OSBPL1A: variants seen among roughly 807,000 people sequenced by gnomAD.
The protein encoded by OSBPL1A is oxysterol binding protein like 1A, also known as oxysterol-binding protein-related protein 1.
A neutral mutation model predicts 137.1 loss-of-function variants in OSBPL1A; 80 were observed. The ratio of observed to expected loss-of-function variants is 0.58; its 90% CI spans 0.49 to 0.70. The LOEUF (loss-of-function observed/expected upper bound fraction) is 0.70, where lower values mean the gene tolerates loss of function less well. Ranked by LOEUF, OSBPL1A falls within the 30% of genes least tolerant of loss-of-function variation. The pLI, the probability that OSBPL1A is intolerant of heterozygous loss-of-function variation, is 0.00. For missense variants in OSBPL1A, 970 were observed against 1,129.4 expected (o/e 0.86, Z 2.02); for synonymous variants, 365 against 389.7 (o/e 0.94, Z 0.75).
At chr18:24,392,255 G>C (rs148156386) in intron 1 of OSBPL1A, among the ~76,000 whole-genome samples, 2,984 of 152,246 alleles carry the variant, frequency 0.02, 108 homozygotes, top group African/African-American at 0.068. Context: ...CCGCCTCCCG[G>C]GTTCAAGTGA....
intron 12 of OSBPL1A, among the ~76,000 whole-genome samples, chr18:24,313,550 T>G (rs1057213555): frequency 1.3e-5 from 2 of 152,178 alleles, no homozygotes; most frequent in African/African-American, 4.8e-5. Flanking sequence ...GTCTCCATTG[T>G]AATGAGTGTC....
At chr18:24,314,396 G>C in intron 11 of OSBPL1A, 49 bp from the exon 12 acceptor site, 1 of 1,292,112 alleles carries the variant, frequency 7.7e-7, no homozygotes, top group Non-Finnish European at 1.1e-6. Flanking sequence ...CATAAAAGAG[G>C]ACCCTAAAAT....
At chr18:24,208,617 T>G (rs1308177950) in intron 17 of OSBPL1A, among the ~76,000 whole-genome samples, 1 of 152,236 alleles carries the variant, frequency 6.6e-6, no homozygotes, top group East Asian at 1.9e-4. Flanking sequence ...TGTGGCAGAT[T>G]TACTTACTTA....
At chr18:24,260,537 A>G (rs1215781367) in intron 15 of OSBPL1A, among the ~76,000 whole-genome samples, 2 of 152,200 alleles carry the variant, frequency 1.3e-5, no homozygotes, top group African/African-American at 4.8e-5. Flanking sequence ...TAAGGGAGAA[A>G]GCCAGACACA....
chr18:24,233,471 G>C (rs2088343223), intron 16 of OSBPL1A, among the ~76,000 whole-genome samples: 1 of 152,072 alleles, frequency 6.6e-6, no homozygotes, highest in African/African-American at 2.4e-5. Flanking sequence ...GATTATCTTA[G>C]GCTCATTATT....
At chr18:24,242,978 C>T (rs2088755677) in intron 15 of OSBPL1A, among the ~76,000 whole-genome samples, 1 of 152,134 alleles carries the variant, frequency 6.6e-6, no homozygotes, top group African/African-American at 2.4e-5. Context: ...CACTTCATTT[C>T]TCTATTATAT....
At chr18:24,242,323 T>C (rs775546691) in intron 15 of OSBPL1A, among the ~76,000 whole-genome samples, 1 of 126,550 alleles carries the variant, frequency 7.9e-6, no homozygotes, top group Admixed American at 7.9e-5. Context: ...CAAAAAAGAT[T>C]CAGTTAGGGG....
chr18:24,354,748 C>CAAAAAAAA (rs59694707), intron 4 of OSBPL1A, among the ~76,000 whole-genome samples: 645 of 76,578 alleles, frequency 8.4e-3, no homozygotes, highest in Non-Finnish European at 0.011. Flanking sequence ...CTCAATATAG[C>CAAAAAAAA]AAAAAAAAAA....
chr18:24,220,900 C>A (rs923094427), intron 17 of OSBPL1A, among the ~76,000 whole-genome samples: 4 of 152,144 alleles, frequency 2.6e-5, no homozygotes, highest in African/African-American at 7.2e-5. Context: ...GCAACCTCAG[C>A]CTCCTAAGCA....
intron 16 of OSBPL1A, among the ~76,000 whole-genome samples, chr18:24,233,305 CT>C (rs2145999061): frequency 6.6e-6 from 1 of 152,224 alleles, no homozygotes; most frequent in African/African-American, 2.4e-5. Flanking sequence ...TAGCAGTATC[CT>C]ATCTCCAACT....
chr18:24,296,941 G>A (rs1007945835), intron 14 of OSBPL1A, among the ~76,000 whole-genome samples: 5 of 152,042 alleles, frequency 3.3e-5, no homozygotes, highest in African/African-American at 1.2e-4. Flanking sequence ...TGTTCATCAG[G>A]GATATTGGTC....
intron 4 of OSBPL1A, among the ~76,000 whole-genome samples, chr18:24,356,422 T>C (rs1599708881): frequency 1.3e-5 from 2 of 151,784 alleles, no homozygotes; most frequent in Non-Finnish European, 2.9e-5. Flanking sequence ...AGATCTAAGG[T>C]CCAAACTGGC....
intron 1 of OSBPL1A, among the ~76,000 whole-genome samples, chr18:24,385,784 G>C (rs1241662038): frequency 6.6e-6 from 1 of 152,190 alleles, no homozygotes; most frequent in Non-Finnish European, 1.5e-5. Context: ...GGGATAAAAA[G>C]GAGACTGCAC....
chr18:24,195,370 C>T (rs113463551), intron 18 of OSBPL1A, among the ~76,000 whole-genome samples: 2,496 of 152,152 alleles, frequency 0.016, 60 homozygotes, highest in African/African-American at 0.057. Flanking sequence ...ATCTCTGCAG[C>T]GGACAGGATT....
chr18:24,355,596 C>T (rs45498995), intron 4 of OSBPL1A, among the ~76,000 whole-genome samples: 2,043 of 152,260 alleles, frequency 0.013, 24 homozygotes, highest in Non-Finnish European at 0.017. Flanking sequence ...TTCTTTTTCC[C>T]TGATCCTAGG....
intron 4 of OSBPL1A, among the ~76,000 whole-genome samples, chr18:24,345,672 C>T (rs982711895): frequency 9.9e-5 from 15 of 151,524 alleles, no homozygotes; most frequent in South Asian, 2.1e-4. Context: ...GGCAACAAAG[C>T]GAGACTCCAT....
rs1338118331 is a variant in OSBPL1A at position 24,323,504 on chromosome 18, G to A, written c.626-4695C>T. Among the ~76,000 whole-genome samples the A allele has an allele frequency of 1.5e-4, 11 of 71,484 alleles. 3 individuals carry two copies. The South Asian group carries it at 3.4e-3, about 22-fold the overall frequency. 46.9% of individuals were successfully genotyped at this position (71,484 alleles called of 152,430 possible). A position where few individuals can be genotyped will look rare whatever the true frequency, so the allele number is the denominator to read the frequency against. On this transcript the variant is annotated intron_variant, in intron 7 of 27. Coordinates refer to ENST00000319481, the MANE Select transcript of OSBPL1A (RefSeq NM_080597.4). ...CTCCCAAAGTGCTGGGAATACAGGC[G>A]TGAGCCACCACACCCAGCCAGGGTG...
chr18:24,195,998 T>G (rs2087019745), intron 18 of OSBPL1A, 127 bp downstream of exon 18: 3 of 750,944 alleles, frequency 4.0e-6, no homozygotes, highest in African/African-American at 3.6e-5. Context: ...TTTCACAATT[T>G]ATGATTCTCG....
chr18:24,337,375 T>TTAACATATAACATAACA (rs2091192229), intron 5 of OSBPL1A, among the ~76,000 whole-genome samples: 1 of 141,314 alleles, frequency 7.1e-6, no homozygotes, highest in Non-Finnish European at 1.5e-5. Context: ...AAACATAACA[T>TTAACATATAACATAACA]TAACATAACA....
Sources: allele counts gnomAD v4.1 joint callset (sites outside exome capture counted in the v4.1 genomes callset), GRCh38; gene constraint gnomAD v4.1.1; transcripts MANE v1.5; gene names NCBI Gene and HGNC (gene_info 2026-07-23, HGNC 2026-07-21).